Variants in EXOC6B observed in about 807,000 individuals in gnomAD.
The protein encoded by EXOC6B is SEC15 homolog B.
A neutral mutation model predicts 113.5 loss-of-function variants in EXOC6B; 54 were observed. The ratio of observed to expected loss-of-function variants is 0.48; its 90% CI spans 0.38 to 0.60. The LOEUF (loss-of-function observed/expected upper bound fraction) is 0.60, where lower values mean the gene tolerates loss of function less well. Among genes scored for constraint, EXOC6B ranks in the 20% least tolerant of loss-of-function variants. The probability of loss-of-function intolerance (pLI) is 0.00; values close to 1 mark genes in which losing one functional copy is unlikely to be tolerated. For synonymous variants in EXOC6B, 357 were observed against 339.0 expected, an observed-to-expected ratio of 1.05 and a Z score of -0.58; for missense variants, 797 against 977.5, an observed-to-expected ratio of 0.82 and a Z score of 2.46.
At chr2:72,362,068 G>A (rs943630678) in intron 19 of EXOC6B, among the ~76,000 whole-genome samples, 1 of 152,086 alleles carries the variant, frequency 6.6e-6, no homozygotes, top group Non-Finnish European at 1.5e-5. Context: ...GGGTTATTAT[G>A]GTAAGAATGG....
chr2:72,631,459 TATAGAGAGAGAGAGAG>T (rs1672451151), intron 6 of EXOC6B, among the ~76,000 whole-genome samples: 15 of 6,948 alleles, frequency 2.2e-3, no homozygotes, highest in African/African-American at 4.6e-3. Context: ...TATATATATA[TATAGAGAGAGAGAGAG>T]AGAGAGAGAG....
At chr2:72,820,592 AAATG>A (rs1240337420) in intron 1 of EXOC6B, among the ~76,000 whole-genome samples, 2 of 152,170 alleles carry the variant, frequency 1.3e-5, no homozygotes, top group African/African-American at 4.8e-5. Flanking sequence ...TGAGAATACT[AAATG>A]AAGGAAGTTA....
At chr2:72,727,137 C>T (rs540684584) in intron 5 of EXOC6B, among the ~76,000 whole-genome samples, 1 of 152,088 alleles carries the variant, frequency 6.6e-6, no homozygotes, top group South Asian at 2.1e-4. Context: ...AATAATAGGG[C>T]ATTACTAAAT....
intron 18 of EXOC6B, among the ~76,000 whole-genome samples, chr2:72,398,935 GA>G (rs1692946509): frequency 6.9e-6 from 1 of 144,126 alleles, no homozygotes; most frequent in South Asian, 2.2e-4. Context: ...ACAATAAAAA[GA>G]AAATAGTAAA....
intron 6 of EXOC6B, among the ~76,000 whole-genome samples, chr2:72,588,710 T>C (rs2103915667): frequency 6.6e-6 from 1 of 152,188 alleles, no homozygotes; most frequent in South Asian, 2.1e-4. Context: ...ATAATTGATA[T>C]CCTTAGCCCT....
chr2:72,244,402 G>A (rs1187730041), intron 20 of EXOC6B, among the ~76,000 whole-genome samples: 1 of 152,020 alleles, frequency 6.6e-6, no homozygotes, highest in South Asian at 2.1e-4. Flanking sequence ...TGCAGCAAAC[G>A]TAATTTTCAA....
chr2:72,599,935 T>G (rs1670307181), intron 6 of EXOC6B, among the ~76,000 whole-genome samples: 1 of 152,004 alleles, frequency 6.6e-6, no homozygotes, highest in Non-Finnish European at 1.5e-5. Context: ...TGTTCATTAA[T>G]AAGAAAACTC....
intron 6 of EXOC6B, among the ~76,000 whole-genome samples, chr2:72,636,601 T>C (rs1558867301): frequency 6.6e-6 from 1 of 152,094 alleles, no homozygotes; most frequent in Non-Finnish European, 1.5e-5. Flanking sequence ...ATCAAATCAA[T>C]TGATGCAGAA....
intron 1 of EXOC6B, among the ~76,000 whole-genome samples, chr2:72,787,129 G>T (rs1684417889): frequency 6.6e-6 from 1 of 152,072 alleles, no homozygotes; most frequent in South Asian, 2.1e-4. Context: ...CCATCAACTG[G>T]TACCAAGTAT....
chr2:72,346,071 G>T (rs1558577438), intron 19 of EXOC6B, among the ~76,000 whole-genome samples: 1 of 149,238 alleles, frequency 6.7e-6, no homozygotes, highest in Non-Finnish European at 1.5e-5. Context: ...ATTCTCAAAG[G>T]TTTTTTTTTT....
chr2:72,288,344 T>A (rs1276228841), intron 20 of EXOC6B, among the ~76,000 whole-genome samples: 1 of 151,854 alleles, frequency 6.6e-6, no homozygotes, highest in Non-Finnish European at 1.5e-5. Flanking sequence ...CCAACAGAAA[T>A]GAGTACACTA....
chr2:72,763,941 T>G (rs916048616), intron 1 of EXOC6B, among the ~76,000 whole-genome samples: 3 of 151,178 alleles, frequency 2.0e-5, no homozygotes, highest in Non-Finnish European at 4.4e-5. Context: ...ATTAGCCGGG[T>G]GTGGTGGCAT....
chr2:72,810,535 C>T (rs1321073824), intron 1 of EXOC6B, among the ~76,000 whole-genome samples: 1 of 151,756 alleles, frequency 6.6e-6, no homozygotes, highest in Non-Finnish European at 1.5e-5. Flanking sequence ...ATAATCTATG[C>T]TCCTATACCA....
intron 6 of EXOC6B, among the ~76,000 whole-genome samples, chr2:72,701,533 T>C (rs550337616): frequency 6.6e-6 from 1 of 152,124 alleles, no homozygotes; most frequent in East Asian, 1.9e-4. Flanking sequence ...CCTAAATGCA[T>C]ATGTCAAAAA....
At chr2:72,649,980 C>T (rs2104395796) in intron 6 of EXOC6B, among the ~76,000 whole-genome samples, 1 of 152,340 alleles carries the variant, frequency 6.6e-6, no homozygotes, top group African/African-American at 2.4e-5. Context: ...GGGTCCCCAA[C>T]CCACAGGCCA....
intron 18 of EXOC6B, among the ~76,000 whole-genome samples, chr2:72,412,980 A>G: frequency 6.6e-6 from 1 of 150,382 alleles, no homozygotes; most frequent in East Asian, 2.0e-4. Flanking sequence ...CTTTCTTGAG[A>G]CAGAGTCTCG....
chr2:72,415,341 C>CA (rs551209151), intron 18 of EXOC6B, among the ~76,000 whole-genome samples: 35,512 of 140,282 alleles, frequency 0.25, 7,696 homozygotes, highest in African/African-American at 0.6. Flanking sequence ...TGGAGTCCTC[C>CA]AAAAAAAAAA....
chr2:72,279,373 A>C (rs758171729), intron 20 of EXOC6B, among the ~76,000 whole-genome samples: 56 of 152,100 alleles, frequency 3.7e-4, no homozygotes, highest in Non-Finnish European at 7.2e-4. Context: ...CTTAAATTAG[A>C]ATTTAAATGG....
chr2:72,511,176 AC>A (rs1228025184), intron 11 of EXOC6B, among the ~76,000 whole-genome samples: 1 of 152,180 alleles, frequency 6.6e-6, no homozygotes, highest in Non-Finnish European at 1.5e-5. Context: ...AATATTTGCA[AC>A]ATATTCAATA....
Sources: allele counts gnomAD v4.1 joint callset (sites outside exome capture counted in the v4.1 genomes callset), GRCh38; gene constraint gnomAD v4.1.1; transcripts MANE v1.5; gene names NCBI Gene and HGNC (gene_info 2026-07-23, HGNC 2026-07-21).